The following COL28A1 variants were observed in gnomAD, a reference collection of about 807,000 sequenced individuals.
COL28A1 encodes collagen alpha-1(XXVIII) chain.
Under a neutral mutation model 150.2 loss-of-function variants are expected in COL28A1, and 161 were observed. That is an observed-to-expected ratio of 1.07 (90% CI 0.94 to 1.22). The LOEUF (loss-of-function observed/expected upper bound fraction) is 1.22, where lower values mean the gene tolerates loss of function less well. Among genes scored for constraint, COL28A1 ranks in the 50% most tolerant of loss-of-function variants. The pLI, the probability that COL28A1 is intolerant of heterozygous loss-of-function variation, is 0.00. For missense variants in COL28A1, 1,617 were observed against 1,388.3 expected, an observed-to-expected ratio of 1.16 and a Z score of -2.62; for synonymous variants, 552 against 469.7, an observed-to-expected ratio of 1.18 and a Z score of -2.26.
chr7:7,431,428 T>C (rs1784964622), intron 25 of COL28A1: 2 of 434,510 alleles, frequency 4.6e-6, no homozygotes, highest in Non-Finnish European at 9.6e-6. Flanking sequence ...ATGGAAAACA[T>C]ACAGAGGGGT....
the COL28A1 span, among the ~76,000 whole-genome samples, chr7:7,344,488 CA>C: frequency 1.3e-5 from 2 of 152,014 alleles, no homozygotes; most frequent in Non-Finnish European, 2.9e-5. Context: ...TGAATTACTT[CA>C]GATAAAAAAC....
intron 15 of COL28A1, among the ~76,000 whole-genome samples, chr7:7,457,514 T>C (rs1316705880): frequency 6.6e-6 from 1 of 152,098 alleles, no homozygotes; most frequent in Non-Finnish European, 1.5e-5. Context: ...ATCCCTAAAA[T>C]GAACATCCAA....
At chr7:7,370,673 CA>C (rs1164609140) in intron 33 of COL28A1, 51 bp downstream of exon 33, 1 of 1,465,600 alleles carries the variant, frequency 6.8e-7, no homozygotes, top group East Asian at 2.3e-5. Context: ...TGATATGAAA[CA>C]GAGAGAATAC....
intron 25 of COL28A1, 135 bp from the exon 26 acceptor site, chr7:7,420,088 T>C (rs1784316501): frequency 2.2e-6 from 1 of 458,696 alleles, no homozygotes; most frequent in Non-Finnish European, 3.8e-6. Context: ...CTAGATCACT[T>C]TTCTATTACC....
chr7:7,539,115 A>G (rs1377277116), upstream of COL28A1, among the ~76,000 whole-genome samples: 1 of 152,180 alleles, frequency 6.6e-6, no homozygotes, highest in Non-Finnish European at 1.5e-5. Context: ...CTCCTTCATC[A>G]GTAATTAGAG....
At chr7:7,357,145 G>A (rs902685398), downstream of COL28A1, 3 of 152,118 alleles carry the variant, frequency 2.0e-5, no homozygotes, top group African/African-American at 7.3e-5. Context: ...TGCTTCCCAG[G>A]GTCAAGCGAT....
intron 15 of COL28A1, among the ~76,000 whole-genome samples, chr7:7,466,465 C>A (rs556982195): frequency 0.013 from 1,345 of 107,428 alleles, 106 homozygotes; most frequent in African/African-American, 0.06. Context: ...GTGAAAAGAC[C>A]AAATCTACGT....
chr7:7,520,732 G>T (rs1308411394), intron 5 of COL28A1, among the ~76,000 whole-genome samples: 1 of 152,308 alleles, frequency 6.6e-6, no homozygotes, highest in East Asian at 1.9e-4. Flanking sequence ...CTACTAAAAT[G>T]TGACAAGAAT....
intron 11 of COL28A1, among the ~76,000 whole-genome samples, chr7:7,497,749 C>T (rs1447517895): frequency 6.6e-6 from 1 of 152,058 alleles, no homozygotes; most frequent in African/African-American, 2.4e-5. Flanking sequence ...TATAATTTAT[C>T]CAAGCTGATG....
At chr7:7,489,554 GA>G in intron 12 of COL28A1, 97 bp from the exon 13 acceptor site, 2 of 756,616 alleles carry the variant, frequency 2.6e-6, no homozygotes, top group East Asian at 5.2e-5. Context: ...GATAAATAGC[GA>G]AATAGACAAA....
chr7:7,467,680 A>G (rs1313783934), intron 15 of COL28A1, among the ~76,000 whole-genome samples: 1 of 48,930 alleles, frequency 2.0e-5, no homozygotes, highest in Non-Finnish European at 3.6e-5. Flanking sequence ...CACCACACCT[A>G]TTCCAAAATT....
At chr7:7,518,860 T>C (rs1781558894) in intron 6 of COL28A1, among the ~76,000 whole-genome samples, 1 of 152,250 alleles carries the variant, frequency 6.6e-6, no homozygotes, top group South Asian at 2.1e-4. Flanking sequence ...TCATTCTCTC[T>C]ATTTAAATTT....
Position 7,453,423 on chromosome 7 carries a change from C to G in COL28A1, c.1440+17G>C, listed in dbSNP as rs1423437006. On this transcript the variant is annotated intron_variant, in intron 17 of 34. Coordinates refer to ENST00000399429, the MANE Select transcript of COL28A1 (RefSeq NM_001037763.3). ...TACTATAGATATATTAAACTCCGCT[C>G]TCATTTACAAAGTTACCTTGGAACC... The G allele has an allele frequency of 2.8e-6, 3 of 1,060,084 alleles. No homozygotes were observed. The highest frequency in any genetic ancestry group is 4.5e-6 in the Non-Finnish European group (3 of 673,658). The allele number at this position is 1,060,084 out of a possible 1,614,324, so 65.7% of individuals were successfully genotyped here. A position where few individuals can be genotyped will look rare whatever the true frequency, so the allele number is the denominator to read the frequency against.
chr7:7,409,835 A>C (rs1022011601), intron 27 of COL28A1, among the ~76,000 whole-genome samples: 2 of 152,168 alleles, frequency 1.3e-5, no homozygotes, highest in Admixed American at 1.3e-4. Flanking sequence ...CACTGTCATC[A>C]CACAGGGCCT....
intron 33 of COL28A1, among the ~76,000 whole-genome samples, chr7:7,360,807 G>C (rs1010846380): frequency 6.6e-6 from 1 of 152,104 alleles, no homozygotes; most frequent in Non-Finnish European, 1.5e-5. Context: ...CCACCTCCAG[G>C]CACAGATTTT....
At chr7:7,425,300 G>C (rs976038052) in intron 25 of COL28A1, among the ~76,000 whole-genome samples, 1 of 152,158 alleles carries the variant, frequency 6.6e-6, no homozygotes, top group Non-Finnish European at 1.5e-5. Context: ...GGGACTAGAT[G>C]CAAGACGCTA....
intron 13 of COL28A1, among the ~76,000 whole-genome samples, chr7:7,479,929 T>C (rs1343070358): frequency 6.6e-6 from 1 of 152,214 alleles, no homozygotes; most frequent in East Asian, 1.9e-4. Context: ...AACAAGAATC[T>C]TAGAAGAAGA....
At chr7:7,414,317 C>T (rs911850012) in intron 27 of COL28A1, among the ~76,000 whole-genome samples, 3 of 152,214 alleles carry the variant, frequency 2.0e-5, no homozygotes, top group Non-Finnish European at 4.4e-5. Context: ...CATATAACTT[C>T]CTGGCCTGTG....
At chr7:7,420,480 G>A (rs1326947027) in intron 25 of COL28A1, among the ~76,000 whole-genome samples, 1 of 152,204 alleles carries the variant, frequency 6.6e-6, no homozygotes, top group South Asian at 2.1e-4. Context: ...GGTAGGTGAC[G>A]CCCTGTGGCA....
Sources: gnomAD v4.1 joint callset for allele counts (sites outside exome capture counted in the v4.1 genomes callset) on GRCh38, gnomAD v4.1.1 for gene constraint, MANE v1.5 for transcripts, NCBI Gene and HGNC (gene_info 2026-07-23, HGNC 2026-07-21) for gene names.